MAST4: variants seen among roughly 807,000 people sequenced by gnomAD.
MAST4 encodes the protein microtubule-associated serine/threonine-protein kinase 4.
A neutral mutation model predicts 162.7 loss-of-function variants in MAST4; 89 were observed. That is an observed-to-expected ratio of 0.55 (90% CI 0.46 to 0.65). MAST4 has a LOEUF of 0.65. Among genes scored for constraint, MAST4 ranks in the 30% least tolerant of loss-of-function variants. The pLI is 0.00. For synonymous variants in MAST4, 1,479 were observed against 1,361.1 expected (o/e 1.09, Z -1.91); for missense variants, 3,153 against 3,374.0 (o/e 0.93, Z 1.62).
At chr5:66,788,607 C>CCCAGCAAAAAAAAAAAAAA in intron 2 of MAST4, 63 bp from the exon 3 acceptor site, 7 of 1,373,718 alleles carry the variant, frequency 5.1e-6, no homozygotes, top group African/African-American at 1.5e-5. Flanking sequence ...CCCCCACCCC[C>CCCAGCAAAAAAAAAAAAAA]ATTGCAATAA....
intron 3 of MAST4, among the ~76,000 whole-genome samples, chr5:66,800,500 C>T (rs749677811): frequency 2.6e-5 from 4 of 151,994 alleles, no homozygotes; most frequent in Non-Finnish European, 2.9e-5. Context: ...GATGAGAACA[C>T]GTGGGCACAA....
At chr5:66,651,479 T>G (rs1746215923) in intron 1 of MAST4, among the ~76,000 whole-genome samples, 1 of 152,134 alleles carries the variant, frequency 6.6e-6, no homozygotes, top group African/African-American at 2.4e-5. Flanking sequence ...ATTCCTTTTT[T>G]GATAGTTTTT....
intron 2 of MAST4, among the ~76,000 whole-genome samples, chr5:66,785,044 A>G (rs1393724770): frequency 6.6e-6 from 1 of 152,124 alleles, no homozygotes; most frequent in Non-Finnish European, 1.5e-5. Flanking sequence ...GTGCCATTGT[A>G]CAACATGGTA....
At chr5:66,995,554 C>T (rs906551493) in intron 4 of MAST4, among the ~76,000 whole-genome samples, 3 of 152,160 alleles carry the variant, frequency 2.0e-5, no homozygotes, top group Non-Finnish European at 4.4e-5. Context: ...CGGCACCCGC[C>T]ACCATACCCA....
chr5:66,747,753 T>C (rs1752858720), intron 1 of MAST4, among the ~76,000 whole-genome samples: 1 of 152,184 alleles, frequency 6.6e-6, no homozygotes, highest in African/African-American at 2.4e-5. Flanking sequence ...GCATTGCTGA[T>C]GCTTTGAGCT....
intron 3 of MAST4, among the ~76,000 whole-genome samples, chr5:66,806,764 G>C (rs1212140291): frequency 6.6e-6 from 1 of 151,954 alleles, no homozygotes; most frequent in Non-Finnish European, 1.5e-5. Flanking sequence ...GTGCATCCTA[G>C]TAACATGTGA....
At chr5:67,044,463 T>G (rs1275061916) in intron 4 of MAST4, among the ~76,000 whole-genome samples, 1 of 152,194 alleles carries the variant, frequency 6.6e-6, no homozygotes, top group Non-Finnish European at 1.5e-5. Flanking sequence ...ACTTCTAACA[T>G]TTAAAAAACT....
rs1745262709 is a variant in MAST4, at chr5:66,955,947, A to G, written c.674+55965A>G. 2.0e-5 allele frequency among the ~76,000 whole-genome samples: 3 copies of G among 151,718 alleles called. No individual in the cohort carries two copies. In the South Asian group the frequency reaches 6.3e-4, roughly 32 times the overall value. On this transcript the variant is annotated intron_variant, in intron 4 of 28. Coordinates refer to ENST00000403625, the MANE Select transcript of MAST4 (RefSeq NM_001164664.2). ...GGACCCATTAAAAAGTTCATATATTACAATTAGTTGATATGTCTTTTAAGG... is the reference window on the plus strand; with the variant it reads ...GGACCCATTAAAAAGTTCATATATTGCAATTAGTTGATATGTCTTTTAAGG...
intron 2 of MAST4, 63 bp from the exon 3 acceptor site, chr5:66,788,607 C>CCAAACAAAAAAAAA: frequency 1.7e-5 from 24 of 1,373,622 alleles, no homozygotes; most frequent in East Asian, 2.7e-5. Flanking sequence ...CCCCCACCCC[C>CCAAACAAAAAAAAA]ATTGCAATAA....
chr5:66,716,581 G>C (rs1750857864), intron 1 of MAST4, among the ~76,000 whole-genome samples: 3 of 148,564 alleles, frequency 2.0e-5, no homozygotes, highest in Admixed American at 2.0e-4. Flanking sequence ...GGCTGGTCTT[G>C]AACTCCTGGC....
chr5:66,748,784 G>A (rs1451468123), intron 1 of MAST4, among the ~76,000 whole-genome samples: 1 of 151,936 alleles, frequency 6.6e-6, no homozygotes, highest in Non-Finnish European at 1.5e-5. Flanking sequence ...CACCATGCCT[G>A]GCTGGGACCA....
chr5:66,871,126 T>G (rs954686599), intron 3 of MAST4, among the ~76,000 whole-genome samples: 11 of 152,140 alleles, frequency 7.2e-5, no homozygotes, highest in African/African-American at 2.7e-4. Flanking sequence ...CTGGCCAGTT[T>G]CCGGTACCAG....
Position 67,166,273 on chromosome 5 carries a change from C to A in MAST4, c.7094C>A (p.Thr2365Asn). ...AGCCCGAGTCAGCCGGCCGCCAACACCGACAGAAGGGCGGAAGGGAAGAAA... is the reference window on the plus strand; with the variant it reads ...AGCCCGAGTCAGCCGGCCGCCAACAACGACAGAAGGGCGGAAGGGAAGAAA... ...DKSPSQPAAN[T>N]DRRAEGKKCT... Residue 2365 changes from threonine to asparagine, a missense_variant, in exon 29 of 29, where the codon ACC becomes AAC. Physicochemically the swap from Thr to Asn is moderately conservative, Grantham distance 65. Around this residue, in one of 7 missense-constraint regions of MAST4, gnomAD observed 1,644 missense variants for 1,495.0 expected, o/e 1.10. Transcript: ENST00000403625. 3 of 1,556,258 alleles carry A rather than the reference C, an allele frequency of 1.9e-6. No homozygotes were observed. The highest frequency in any genetic ancestry group is 2.6e-6 in the Non-Finnish European group (3 of 1,149,466).
intron 4 of MAST4, among the ~76,000 whole-genome samples, chr5:66,929,788 T>C (rs1410358298): frequency 3.3e-5 from 5 of 152,120 alleles, no homozygotes; most frequent in African/African-American, 1.2e-4. Context: ...AGCAGCTGTA[T>C]TGGTCCATGA....
chr5:66,962,961 A>G (rs1351607162), intron 4 of MAST4, among the ~76,000 whole-genome samples: 1 of 151,940 alleles, frequency 6.6e-6, no homozygotes, highest in Non-Finnish European at 1.5e-5. Flanking sequence ...AAGAGACATG[A>G]GGCCAGAAAG....
chr5:67,164,547 C>T lies in MAST4; in HGVS notation c.5368C>T (p.Leu1790=), dbSNP rs1023886092. ...PVRKSPSEYK[L]EGRSVSCLKP... ...TAGGAAGAGCCCCTCCGAGTATAAGCTGGAAGGTAGGTCTGTCTCATGCCT... is the reference window on the plus strand; with the variant it reads ...TAGGAAGAGCCCCTCCGAGTATAAGTTGGAAGGTAGGTCTGTCTCATGCCT... The change falls in exon 29 of 29, where the codon CTG becomes TTG. Residue 1790 remains leucine (L), a synonymous_variant. Coordinates refer to ENST00000403625, the MANE Select transcript of MAST4 (RefSeq NM_001164664.2). This position sits in a 1 kb window ranked among gnomAD's most constrained non-coding sequence, Gnocchi z 5.3. The T allele has an allele frequency of 1.9e-6, 3 of 1,613,966 alleles. No individual in the cohort carries two copies. Among genetic ancestry groups the T allele is most frequent in the Non-Finnish European group, 2.5e-6 (3 of 1,179,880 alleles).
intron 3 of MAST4, among the ~76,000 whole-genome samples, chr5:66,874,555 G>A (rs1761163228): frequency 6.6e-6 from 1 of 152,158 alleles, no homozygotes; most frequent in African/African-American, 2.4e-5. Context: ...CATAGCATCT[G>A]ATCAATTTCA....
At chr5:66,771,266 G>C (rs1026456497) in intron 2 of MAST4, among the ~76,000 whole-genome samples, 1 of 151,436 alleles carries the variant, frequency 6.6e-6, no homozygotes, top group Non-Finnish European at 1.5e-5. Context: ...CTCACTGCAC[G>C]CTCCACCTCC....
At chr5:67,014,237 A>G (rs1362696074) in intron 4 of MAST4, among the ~76,000 whole-genome samples, 1 of 152,188 alleles carries the variant, frequency 6.6e-6, no homozygotes, top group East Asian at 1.9e-4. Flanking sequence ...AACCACTGCA[A>G]AGGGCAGGCA....
Sources: allele counts gnomAD v4.1 joint callset (sites outside exome capture counted in the v4.1 genomes callset), GRCh38; gene constraint gnomAD v4.1.1; regional missense constraint gnomAD v4.1.1; non-coding constraint Gnocchi (gnomAD v3.1); transcripts MANE v1.5; gene names NCBI Gene and HGNC (gene_info 2026-07-23, HGNC 2026-07-21).